Variants in C1QTNF3 observed in about 807,000 individuals in gnomAD.
C1QTNF3 encodes the protein complement C1q tumor necrosis factor-related protein 3.
A neutral mutation model predicts 32.6 loss-of-function variants in C1QTNF3; 26 were observed. The ratio of observed to expected loss-of-function variants is 0.80; its 90% CI spans 0.58 to 1.11. The LOEUF is 1.11. Ranked by LOEUF, C1QTNF3 falls within the 50% of genes least tolerant of loss-of-function variation. The probability of loss-of-function intolerance (pLI) is 0.00; values close to 1 mark genes in which losing one functional copy is unlikely to be tolerated. For synonymous variants in C1QTNF3, 155 were observed against 146.0 expected, an observed-to-expected ratio of 1.06 and a Z score of -0.44; for missense variants, 362 against 398.2, an observed-to-expected ratio of 0.91 and a Z score of 0.77.
At chr5:34,165,077 C>T in the C1QTNF3 span, 3 of 152,166 alleles carry the variant, frequency 2.0e-5, no homozygotes, top group Non-Finnish European at 4.4e-5. Flanking sequence ...CTCGCTCTCT[C>T]CTGGACCTAA....
chr5:34,147,434 C>T, the C1QTNF3 span, among the ~76,000 whole-genome samples: 36 of 151,846 alleles, frequency 2.4e-4, no homozygotes, highest in African/African-American at 8.2e-4. Flanking sequence ...GGTGGTGGAT[C>T]GGGTAAAGAA....
intron 4 of C1QTNF3, among the ~76,000 whole-genome samples, chr5:34,025,074 C>G (rs1235109315): frequency 6.6e-6 from 1 of 152,198 alleles, no homozygotes; most frequent in African/African-American, 2.4e-5. Flanking sequence ...TATGATGATG[C>G]TTTGTCTAGT....
chr5:34,133,568 AT>A, the C1QTNF3 span, among the ~76,000 whole-genome samples: 1 of 152,192 alleles, frequency 6.6e-6, no homozygotes, highest in African/African-American at 2.4e-5. Context: ...CATATAGAGC[AT>A]TGGATTCCAG....
At chr5:34,226,821 T>C in the C1QTNF3 span, among the ~76,000 whole-genome samples, 84 of 151,442 alleles carry the variant, frequency 5.5e-4, no homozygotes, top group African/African-American at 2.0e-3. Context: ...GAAAGTGTTA[T>C]TAAGAAAATT....
chr5:34,212,337 G>T, the C1QTNF3 span, among the ~76,000 whole-genome samples: 1 of 152,104 alleles, frequency 6.6e-6, no homozygotes, highest in Admixed American at 6.6e-5. Context: ...TCAGGACACA[G>T]GCATGGGCAA....
the C1QTNF3 span, among the ~76,000 whole-genome samples, chr5:34,063,937 C>T: frequency 1.1e-4 from 16 of 152,200 alleles, no homozygotes; most frequent in Admixed American, 5.9e-4. Context: ...CATGCATGGG[C>T]GACTGTTAAG....
chr5:34,166,146 CTTAT>C, the C1QTNF3 span: 2 of 151,648 alleles, frequency 1.3e-5, no homozygotes, highest in Admixed American at 1.3e-4. Flanking sequence ...ATTTCATTTT[CTTAT>C]TTCTTCTCAA....
At chr5:34,177,202 T>A in the C1QTNF3 span, among the ~76,000 whole-genome samples, 1 of 152,162 alleles carries the variant, frequency 6.6e-6, no homozygotes, top group Non-Finnish European at 1.5e-5. Context: ...AAAATTTTTT[T>A]AAATTAAACC....
In C1QTNF3 at chr5:34,026,425, A is replaced by AC. The variant is rs369487828; in HGVS notation, c.700+2328dup. ...ATACAGTGTAGGATGTGGAAAGAGGACCTGCAGTGGCCAATCTCAAAATCT... is the reference window on the plus strand; with the variant it reads ...ATACAGTGTAGGATGTGGAAAGAGGACCCTGCAGTGGCCAATCTCAAAATCT... On this transcript the variant is annotated intron_variant, in intron 4 of 5. Coordinates refer to ENST00000382065, the MANE Select transcript of C1QTNF3 (RefSeq NM_181435.6). 4.7e-3 allele frequency among the ~76,000 whole-genome samples: 706 copies of AC among 149,232 alleles called. 3 individuals carry two copies. Among genetic ancestry groups the AC allele is most frequent in the African/African-American group, 7.5e-3 (303 of 40,354 alleles).
chr5:34,162,057 T>C, the C1QTNF3 span, among the ~76,000 whole-genome samples: 4 of 152,180 alleles, frequency 2.6e-5, no homozygotes, highest in African/African-American at 9.7e-5. Context: ...CACTGGATAG[T>C]GAAAGGTAGT....
At chr5:34,035,070 TA>T (rs1754701686) in intron 2 of C1QTNF3, among the ~76,000 whole-genome samples, 1 of 152,168 alleles carries the variant, frequency 6.6e-6, no homozygotes, top group South Asian at 2.1e-4. Flanking sequence ...AGACCTGGGC[TA>T]CCCTTTCCTG....
chr5:34,057,402 T>C, the C1QTNF3 span, among the ~76,000 whole-genome samples: 1 of 152,142 alleles, frequency 6.6e-6, no homozygotes, highest in Non-Finnish European at 1.5e-5. Flanking sequence ...TATGAAATAG[T>C]AATAAAAAGA....
intron 3 of C1QTNF3, among the ~76,000 whole-genome samples, chr5:34,029,390 T>C (rs2112106935): frequency 6.6e-6 from 1 of 152,244 alleles, no homozygotes; most frequent in South Asian, 2.1e-4. Flanking sequence ...TCCACCTTCC[T>C]CGGCCTCCCA....
the C1QTNF3 span, among the ~76,000 whole-genome samples, chr5:34,088,420 C>G: frequency 6.6e-6 from 1 of 152,008 alleles, no homozygotes; most frequent in Non-Finnish European, 1.5e-5. Flanking sequence ...ATATTATAAA[C>G]ATCCTTTAAT....
chr5:34,075,845 T>C, the C1QTNF3 span, among the ~76,000 whole-genome samples: 83 of 150,220 alleles, frequency 5.5e-4, no homozygotes, highest in Admixed American at 1.3e-3. Flanking sequence ...CCCCCAGGTG[T>C]CACACAGTCA....
the C1QTNF3 span, among the ~76,000 whole-genome samples, chr5:34,213,811 T>TA: frequency 1.6e-3 from 6 of 3,806 alleles, 1 homozygote; most frequent in African/African-American, 3.5e-3. Flanking sequence ...ATATATATAT[T>TA]TTTTTTTTTT....
At chr5:34,138,823 G>A in the C1QTNF3 span, among the ~76,000 whole-genome samples, 2 of 152,018 alleles carry the variant, frequency 1.3e-5, no homozygotes, top group African/African-American at 4.8e-5. Flanking sequence ...AAAGTCTTCT[G>A]CTAGTTACAA....
the C1QTNF3 span, among the ~76,000 whole-genome samples, chr5:34,080,400 C>T: frequency 1.6e-4 from 24 of 151,750 alleles, no homozygotes; most frequent in South Asian, 3.1e-3. Flanking sequence ...TTAATGCCAA[C>T]GAGTTTAGCT....
chr5:34,229,090 T>C, the C1QTNF3 span, among the ~76,000 whole-genome samples: 2 of 152,136 alleles, frequency 1.3e-5, no homozygotes, highest in Non-Finnish European at 2.9e-5. Flanking sequence ...CCTAACATGC[T>C]GCACGCAGGA....
Sources: allele counts gnomAD v4.1 joint callset (sites outside exome capture counted in the v4.1 genomes callset), GRCh38; gene constraint gnomAD v4.1.1; transcripts MANE v1.5; gene names NCBI Gene and HGNC (gene_info 2026-07-23, HGNC 2026-07-21).